DIAPH2: variants seen among roughly 807,000 people sequenced by gnomAD.
DIAPH2 encodes protein diaphanous homolog 2.
A neutral mutation model predicts 92.7 loss-of-function variants in DIAPH2; 35 were observed. The ratio of observed to expected loss-of-function variants is 0.38; its 90% CI spans 0.29 to 0.50. The LOEUF is 0.50. Among genes scored for constraint, DIAPH2 ranks in the 20% least tolerant of loss-of-function variants. The pLI, the probability that DIAPH2 is intolerant of heterozygous loss-of-function variation, is 0.94. For synonymous variants in DIAPH2, 301 were observed against 280.4 expected (o/e 1.07, Z -0.73); for missense variants, 701 against 819.5 (o/e 0.86, Z 1.77).
At chrX:97,329,927 CACACACACA>C (rs757838997) in intron 23 of DIAPH2, among the ~76,000 whole-genome samples, 52 of 105,989 alleles carry the variant, frequency 4.9e-4, no homozygotes, top group South Asian at 2.7e-3. Context: ...CACACACACA[CACACACACA>C]CCCCACATGC....
chrX:97,176,501 T>TTTTG lies in DIAPH2; in HGVS notation c.2719+34715_2719+34718dup, dbSNP rs1365127352. On this transcript the variant is annotated intron_variant, in intron 22 of 26. Coordinates refer to ENST00000324765, the MANE Select transcript of DIAPH2 (RefSeq NM_006729.5). ...CAGTATCCATGAAGGATTGGTGTTT[T>TTTTG]TTTGTTTGTTTTGTTTTGTTTTGTT... Among the ~76,000 whole-genome samples the TTTTG allele has an allele frequency of 8.8e-5, 7 of 79,323 alleles. No homozygotes were observed. In the East Asian group the frequency reaches 2.4e-3, roughly 27 times the overall value. 68.9% of individuals were successfully genotyped at this position (79,323 alleles called of 115,157 possible).
intron 5 of DIAPH2, among the ~76,000 whole-genome samples, chrX:96,882,865 GGGAGGATCACCTCAGCCCGGGAGGT>G (rs2065223150): frequency 9.8e-6 from 1 of 102,008 alleles, no homozygotes; most frequent in Admixed American, 1.1e-4. Flanking sequence ...AGGCTGAGGT[GGGAGGATCACCTCAGCCCGGGAGGT>G]GGAGGTTGCA....
At chrX:96,827,737 G>A (rs1180443087) in intron 4 of DIAPH2, among the ~76,000 whole-genome samples, 1 of 112,046 alleles carries the variant, frequency 8.9e-6, no homozygotes, top group Non-Finnish European at 1.9e-5. Flanking sequence ...TCCATTTGCC[G>A]TCAGAGTGAT....
intron 24 of DIAPH2, among the ~76,000 whole-genome samples, chrX:97,383,166 A>G (rs1413553111): frequency 1.8e-5 from 2 of 112,238 alleles, no homozygotes; most frequent in Non-Finnish European, 3.8e-5. Flanking sequence ...AAAACAGACA[A>G]TAGCTTGAAA....
chrX:97,123,776 A>G (rs1398407553), intron 21 of DIAPH2, among the ~76,000 whole-genome samples: 2 of 112,433 alleles, frequency 1.8e-5, no homozygotes, highest in Non-Finnish European at 3.8e-5. Context: ...ACAGACTATC[A>G]TGGCTCCTTG....
rs550621060 is a variant in DIAPH2 at position 97,064,786 on chromosome X, C to T, written c.2051-8155C>T. Among the ~76,000 whole-genome samples the T allele has an allele frequency of 1.3e-4, 14 of 109,452 alleles. No individual in the cohort carries two copies. The South Asian group carries it at 2.3e-3, about 18-fold the overall frequency. ...TGCGGGGTTATGCTCAGCATCTCCA[C>T]GGAAGTTTTTTATCTCAAATTATTT... On this transcript the variant is annotated intron_variant, in intron 17 of 26. Transcript: ENST00000324765.
At chrX:97,343,182 A>G (rs1188769910) in intron 23 of DIAPH2, among the ~76,000 whole-genome samples, 4 of 111,930 alleles carry the variant, frequency 3.6e-5, no homozygotes, top group Non-Finnish European at 7.5e-5. Context: ...AAAAAATTCA[A>G]GTAGAGATGA....
rs557177508 is a variant in DIAPH2, at chrX:97,005,333, A to ATT, written c.2050+40139_2050+40140dup. Among the ~76,000 whole-genome samples the ATT allele has an allele frequency of 6.2e-3, 576 of 92,377 alleles. 6 individuals carry two copies. The highest frequency in any genetic ancestry group is 0.021 in the African/African-American group (539 of 25,676). 80.2% of individuals were successfully genotyped at this position (92,377 alleles called of 115,157 possible). A position where few individuals can be genotyped will look rare whatever the true frequency, so the allele number is the denominator to read the frequency against. ...ATTTGGAAGTATTCCCTCCTCCTCT[A>ATT]TTTTTTTTTTTTTTGAATATTTTGA... On this transcript the variant is annotated intron_variant, in intron 17 of 26. Coordinates refer to ENST00000324765, the MANE Select transcript of DIAPH2 (RefSeq NM_006729.5).
At chrX:97,084,279 A>G (rs2066767875) in intron 19 of DIAPH2, among the ~76,000 whole-genome samples, 1 of 111,601 alleles carries the variant, frequency 9.0e-6, no homozygotes, top group South Asian at 3.9e-4. Context: ...TTAAATAGCT[A>G]GTAAGTTTAT....
chrX:97,137,270 C>CATATAT (rs57799375), intron 21 of DIAPH2, among the ~76,000 whole-genome samples: 5,442 of 67,934 alleles, frequency 0.08, 286 homozygotes, highest in East Asian at 0.11. Flanking sequence ...CGCAGTTATA[C>CATATAT]ATATATATAT....
chrX:97,028,448 A>G, intron 17 of DIAPH2, among the ~76,000 whole-genome samples: 1 of 110,878 alleles, frequency 9.0e-6, no homozygotes, highest in East Asian at 2.8e-4. Flanking sequence ...ATTAGCAGTC[A>G]CTCCTCATCT....
intron 22 of DIAPH2, among the ~76,000 whole-genome samples, chrX:97,227,643 A>G (rs2067975497): frequency 8.9e-6 from 1 of 112,228 alleles, no homozygotes. Context: ...AAGTCTTACA[A>G]AGTCAAAGTT....
At chrX:96,916,910 A>G (rs374813985) in intron 8 of DIAPH2, among the ~76,000 whole-genome samples, 2 of 111,461 alleles carry the variant, frequency 1.8e-5, no homozygotes, top group East Asian at 5.6e-4. Context: ...TACATACACA[A>G]ATACTGTGCT....
rs1013144887 is a variant in DIAPH2, at chrX:97,601,162, C to CTT, written c.*1847_*1848dup. 8.9e-6 allele frequency: 1 copy of CTT among 112,157 alleles called. No individual in the cohort carries two copies. The highest frequency in any genetic ancestry group is 1.9e-5 in the Non-Finnish European group (1 of 53,107). The allele number at this position is 112,157 out of a possible 1,213,427, so 9.2% of individuals were successfully genotyped here. Reference sequence around the variant, plus strand: ...ATGTGTATTTTTGACTTTACAAAGTCTTTCTTTTCTGAAATCTTCGTGGTA... The same window carrying CTT: ...ATGTGTATTTTTGACTTTACAAAGTCTTTTTCTTTTCTGAAATCTTCGTGGTA... On this transcript the variant is annotated 3_prime_UTR_variant, in exon 27 of 27. Coordinates refer to ENST00000324765, the MANE Select transcript of DIAPH2 (RefSeq NM_006729.5).
intron 4 of DIAPH2, 136 bp from the exon 5 acceptor site, chrX:96,881,443 A>G: frequency 2.0e-6 from 1 of 497,148 alleles, no homozygotes; most frequent in South Asian, 4.7e-5. Flanking sequence ...TACTATATCA[A>G]TTCTGTGATC....
At chrX:97,210,572 A>G (rs935694271) in intron 22 of DIAPH2, among the ~76,000 whole-genome samples, 33 of 111,863 alleles carry the variant, frequency 3.0e-4, no homozygotes, top group Non-Finnish European at 4.1e-4. Flanking sequence ...TTATGTGGTT[A>G]TAACAATGAT....
At chrX:96,865,511 G>A (rs2065099161) in intron 4 of DIAPH2, among the ~76,000 whole-genome samples, 1 of 111,965 alleles carries the variant, frequency 8.9e-6, no homozygotes, top group Non-Finnish European at 1.9e-5. Flanking sequence ...GAGTGTTTGA[G>A]TGCCAGATAA....
At chrX:97,556,209 C>G (rs756698967) in intron 26 of DIAPH2, among the ~76,000 whole-genome samples, 3 of 111,725 alleles carry the variant, frequency 2.7e-5, no homozygotes, top group Non-Finnish European at 3.8e-5. Flanking sequence ...TCAAGGGACT[C>G]TCTCTTATGC....
At chrX:96,923,010 T>G (rs916267957) in intron 9 of DIAPH2, among the ~76,000 whole-genome samples, 2 of 111,426 alleles carry the variant, frequency 1.8e-5, no homozygotes, top group Non-Finnish European at 3.8e-5. Flanking sequence ...GGCAGTCACT[T>G]CATAAAAAAC....
Sources: allele counts gnomAD v4.1 joint callset (sites outside exome capture counted in the v4.1 genomes callset), GRCh38; gene constraint gnomAD v4.1.1; transcripts MANE v1.5; gene names NCBI Gene and HGNC (gene_info 2026-07-23, HGNC 2026-07-21).